The following SLC9A3 variants were observed in gnomAD, a reference collection of about 807,000 sequenced individuals.
SLC9A3 encodes the protein sodium/hydrogen exchanger 3.
In SLC9A3, 37 loss-of-function variants were observed where a neutral mutation model predicts 86.8. The observed-to-expected ratio is 0.43, with a 90% CI of 0.33 to 0.56. The LOEUF is 0.56. Ranked by LOEUF, SLC9A3 falls within the 20% of genes least tolerant of loss-of-function variation. The pLI, the probability that SLC9A3 is intolerant of heterozygous loss-of-function variation, is 0.06. For synonymous variants in SLC9A3, 581 were observed against 528.3 expected, an observed-to-expected ratio of 1.10 and a Z score of -1.37; for missense variants, 1,011 against 1,171.9, an observed-to-expected ratio of 0.86 and a Z score of 2.00.
At chr5:506,974 G>A (rs1740609998) in intron 1 of SLC9A3, among the ~76,000 whole-genome samples, 1 of 150,260 alleles carries the variant, frequency 6.7e-6, no homozygotes, top group Non-Finnish European at 1.5e-5. Context: ...GGGAGGCTGA[G>A]GCAGGAGAAT....
intron 13 of SLC9A3, 43 bp downstream of exon 13, chr5:476,159 C>T (rs531337309): frequency 2.5e-6 from 4 of 1,612,568 alleles, no homozygotes; most frequent in East Asian, 2.2e-5. Flanking sequence ...TGCCCCCGCT[C>T]CAGGCCCCAG....
At chr5:517,943 G>C (rs574264018) in intron 1 of SLC9A3, among the ~76,000 whole-genome samples, 1 of 150,884 alleles carries the variant, frequency 6.6e-6, no homozygotes, top group Non-Finnish European at 1.5e-5. Flanking sequence ...TCATCCATTC[G>C]CTCATCCACC....
At chr5:518,794 C>G (rs1733806113) in intron 1 of SLC9A3, among the ~76,000 whole-genome samples, 1 of 152,136 alleles carries the variant, frequency 6.6e-6, no homozygotes, top group Admixed American at 6.5e-5. Flanking sequence ...ACAGGGAGCG[C>G]CACACACGCC....
chr5:472,418 T>C lies in SLC9A3; in HGVS notation c.*961A>G. ...GCAGCTGCTGGGCCCCACCATCCAC[T>C]TAAGGACTGGCCGTGATTCTTGGCA... On this transcript the variant is annotated 3_prime_UTR_variant, in exon 17 of 17. Coordinates refer to ENST00000264938, the MANE Select transcript of SLC9A3 (RefSeq NM_004174.4). 5.9e-6 allele frequency: 2 copies of C among 338,620 alleles called. No individual in the cohort carries two copies. Among genetic ancestry groups the C allele is most frequent in the Non-Finnish European group, 1.2e-5 (2 of 172,416 alleles). The allele number at this position is 338,620 out of a possible 1,614,324, so 21.0% of individuals were successfully genotyped here.
chr5:497,637 G>A lies in SLC9A3; in HGVS notation c.212-5566C>T, dbSNP rs1740081411. The stretch of plus-strand genomic sequence containing the variant: ...TTCCTCCACTTCAAAGAAGCTTCCT[G>A]AAGCTTCCAGATCCCCTGCAGCCCC... On this transcript the variant is annotated intron_variant, in intron 1 of 16. Transcript: ENST00000264938. This position sits in a 1 kb window ranked among gnomAD's most constrained non-coding sequence, Gnocchi z 5.4. Among the ~76,000 whole-genome samples the A allele has an allele frequency of 6.6e-6, 1 of 152,146 alleles. No homozygotes were observed. Among genetic ancestry groups the A allele is most frequent in the Admixed American group, 6.5e-5 (1 of 15,274 alleles).
intron 10 of SLC9A3, 97 bp from the exon 11 acceptor site, chr5:477,541 C>T (rs988935135): frequency 8.2e-5 from 65 of 791,348 alleles, no homozygotes; most frequent in Non-Finnish European, 1.1e-4. Context: ...GCTCGGGGCC[C>T]GGGGAAAGCC....
At chr5:506,654 C>T (rs1008744306) in intron 1 of SLC9A3, among the ~76,000 whole-genome samples, 4 of 152,158 alleles carry the variant, frequency 2.6e-5, no homozygotes, top group African/African-American at 4.8e-5. Context: ...ATGATAATCT[C>T]GACTTTTCTG....
At position 484,549 on chromosome 5, in the gene SLC9A3, G is replaced by A. The variant is rs146023986; in HGVS notation, c.903C>T (p.Ser301=). 5.5e-5 allele frequency: 89 copies of A among 1,613,158 alleles called. No homozygotes were observed. In the African/African-American group the frequency reaches 6.1e-4, roughly 11 times the overall value. The change falls in exon 5 of 17, where the codon TCC becomes TCT. Residue 301 remains serine, a synonymous_variant. Transcript: ENST00000264938. ...FIISYLSYLT[S]EMLSLSAILA... ...GGATGGCCGACAGCGACAGCATCTC[G>A]GACGTCAGGTAGGACAGGTAGGAGA...
Position 523,679 on chromosome 5 carries a change from C to A in SLC9A3, c.211+433G>T, listed in dbSNP as rs1289310181. On this transcript the variant is annotated intron_variant, in intron 1 of 16. Transcript: ENST00000264938. ...AGGGAGGATTCTGCTGGGTTTCATGCGGGTAGCACCGCTTTTCTTTTCTGC... is the reference window on the plus strand; with the variant it reads ...AGGGAGGATTCTGCTGGGTTTCATGAGGGTAGCACCGCTTTTCTTTTCTGC... Among the ~76,000 whole-genome samples, 44 of 151,930 alleles carry A rather than the reference C, an allele frequency of 2.9e-4. 3 individuals are homozygous for A. Among genetic ancestry groups the A allele is most frequent in the Admixed American group, 2.8e-3 (43 of 15,252 alleles).
rs200890338 is a variant in SLC9A3, at chr5:485,123, G to A, written c.754+30C>T. The stretch of plus-strand genomic sequence containing the variant: ...AGTTGGCCCCAGAGGAGACACGGCC[G>A]CCCACTCCCCCTGACCCACAGCTAC... On this transcript the variant is annotated intron_variant, in intron 4 of 16. Transcript: ENST00000264938. 4.1e-5 allele frequency: 64 copies of A among 1,552,534 alleles called. 1 individual carries two copies. The highest frequency in any genetic ancestry group is 2.8e-4 in the African/African-American group (21 of 74,128).
chr5:481,908 C>T (rs1220170627), intron 8 of SLC9A3, among the ~76,000 whole-genome samples, 160 bp downstream of exon 8: 2 of 51,110 alleles, frequency 3.9e-5, no homozygotes, highest in Admixed American at 2.0e-4. Flanking sequence ...CAGCCCCGCA[C>T]GTATGGCGGC....
rs1168580556 is a variant in SLC9A3 at position 475,625 on chromosome 5, C to G, written c.2187G>C (p.Glu729Asp). 6.4e-7 allele frequency: 1 copy of G among 1,552,308 alleles called. No individual in the cohort carries two copies. Among genetic ancestry groups the G allele is most frequent in the African/African-American group, 1.4e-5 (1 of 73,108 alleles). The change falls in exon 15 of 17, where the codon GAG becomes GAC. Residue 729 changes from glutamate (E) to aspartate (D), a missense_variant. Glu to Asp is a conservative substitution (Grantham distance 45). This residue lies in a region of SLC9A3 where 397 missense variants were observed against 346.3 expected (regional missense o/e 1.15). Transcript: ENST00000264938. Reference sequence around the variant, plus strand: ...CCAGGAACTCGATCCCCCCACTCATCTCCTCATCATAGTTGGGGGGCTCCT... The same window carrying G: ...CCAGGAACTCGATCCCCCCACTCATGTCCTCATCATAGTTGGGGGGCTCCT... Reference protein sequence around the residue: ...DTEEPPNYDEEMSGGIEFLAS... With the variant: ...DTEEPPNYDEDMSGGIEFLAS...
chr5:519,155 G>C (rs1733814046), intron 1 of SLC9A3, among the ~76,000 whole-genome samples: 1 of 152,068 alleles, frequency 6.6e-6, no homozygotes, highest in Non-Finnish European at 1.5e-5. Flanking sequence ...TCCCGTGATG[G>C]CTCCTGACTC....
rs749141925 is a variant in SLC9A3 at position 483,292 on chromosome 5, G to A, written c.1123C>T (p.Leu375=). 3 of 1,554,810 alleles carry A rather than the reference G, an allele frequency of 1.9e-6. No individual in the cohort carries two copies. The highest frequency in any genetic ancestry group is 2.6e-6 in the Non-Finnish European group (3 of 1,148,734). The change falls in exon 6 of 17, where the codon CTG becomes TTG. Residue 375 remains leucine, a synonymous_variant. Transcript: ENST00000264938. ...GCCCGGTACACGGAGATGAAGACCA[G>A]CGTCAGGAGCACGAAGGCCGTGTTC... The part of the protein sequence containing the change: ...TWNTAFVLLT[L]VFISVYRAIG...
At chr5:489,008 C>A (rs182188628) in intron 2 of SLC9A3, among the ~76,000 whole-genome samples, 1 of 152,188 alleles carries the variant, frequency 6.6e-6, no homozygotes, top group Admixed American at 6.5e-5. Context: ...CCCTAGCTCC[C>A]GGCCGGCTTC....
At chr5:498,032 T>TC (rs1351272449) in intron 1 of SLC9A3, among the ~76,000 whole-genome samples, 1 of 152,196 alleles carries the variant, frequency 6.6e-6, no homozygotes, top group East Asian at 1.9e-4. Flanking sequence ...ACCGCCCTCC[T>TC]CTTCAAGGAT....
Position 483,488 on chromosome 5 carries a change from G to C in SLC9A3, c.933-6C>G. On this transcript the variant is annotated splice_polypyrimidine_tract_variant and splice_region_variant and intron_variant, in intron 5 of 16. Coordinates refer to ENST00000264938, the MANE Select transcript of SLC9A3 (RefSeq NM_004174.4). ...AGATGCCACAGAAGGTGATGCTGCA[G>C]GGACAGACGCGCCTCAGGACACGGC... 6.4e-7 allele frequency: 1 copy of C among 1,562,292 alleles called. No homozygotes were observed. The highest frequency in any genetic ancestry group is 8.7e-7 in the Non-Finnish European group (1 of 1,152,564).
chr5:480,064 A>C (rs1440971326), intron 9 of SLC9A3, 99 bp from the exon 10 acceptor site: 7 of 1,390,356 alleles, frequency 5.0e-6, no homozygotes, highest in African/African-American at 1.4e-5. Context: ...TTTGTTTGCT[A>C]TAGTGACCCT....
Position 474,921 on chromosome 5 carries a change from C to T in SLC9A3, c.2463G>A (p.Glu821=), listed in dbSNP as rs747356419. Residue 821 remains glutamate, a synonymous_variant, in exon 16 of 17, where the codon GAG becomes GAA. Coordinates refer to ENST00000264938, the MANE Select transcript of SLC9A3 (RefSeq NM_004174.4). ...CGGGGAGGGCGGCGGGGGGCCGCTC[C>T]TCGGGGCCGTCTGCCTGCAGGAAGG... is the stretch of plus-strand genomic sequence containing the variant. ...VDSFLQADGP[E]ERPPAALPES... is the part of the protein sequence containing the mutation. 11 of 1,597,738 alleles carry T rather than the reference C, an allele frequency of 6.9e-6. No homozygotes were observed. The highest frequency in any genetic ancestry group is 1.1e-5 in the South Asian group (1 of 89,252).
Sources: allele counts gnomAD v4.1 joint callset (sites outside exome capture counted in the v4.1 genomes callset), GRCh38; gene constraint gnomAD v4.1.1; regional missense constraint gnomAD v4.1.1; non-coding constraint Gnocchi (gnomAD v3.1); transcripts MANE v1.5; gene names NCBI Gene and HGNC (gene_info 2026-07-23, HGNC 2026-07-21).